Variants in TFB2M observed in about 807,000 individuals in gnomAD.
TFB2M encodes dimethyladenosine transferase 2, mitochondrial.
A neutral mutation model predicts 41.3 loss-of-function variants in TFB2M; 44 were observed. The observed-to-expected ratio is 1.07, with a 90% CI of 0.84 to 1.37. The LOEUF is 1.37. Ranked by LOEUF, TFB2M falls within the 40% of genes most tolerant of loss-of-function variation. TFB2M has a pLI of 0.00. For synonymous variants in TFB2M, 188 were observed against 176.8 expected (o/e 1.06, Z -0.50); for missense variants, 496 against 490.2 (o/e 1.01, Z -0.11).
At position 246,546,763 on chromosome 1, in the gene TFB2M, G is replaced by A. The variant is rs76365751; in HGVS notation, c.858+1782C>T. ...AAGTTATTGACTAAAATTTTTAATC[G>A]GATATTTAAAAAGTAGGTCTCAAAC... On this transcript the variant is annotated intron_variant, in intron 6 of 7. Transcript: ENST00000366514. Among the ~76,000 whole-genome samples the A allele has an allele frequency of 4.2e-3, 640 of 151,410 alleles. 12 individuals carry two copies. The East Asian group carries it at 0.054, about 13-fold the overall frequency.
chr1:246,555,081 A>C (rs909049512), intron 4 of TFB2M, among the ~76,000 whole-genome samples: 7 of 152,242 alleles, frequency 4.6e-5, no homozygotes, highest in African/African-American at 7.2e-5. Flanking sequence ...CAGTACGTAC[A>C]TAAAAATATA....
chr1:246,540,854 G>A lies in TFB2M; in HGVS notation c.*177C>T. 2.0e-6 allele frequency: 1 copy of A among 493,338 alleles called. No individual in the cohort carries two copies. The allele number at this position is 493,338 out of a possible 1,614,324, so 30.6% of individuals were successfully genotyped here. Reference sequence around the variant, plus strand: ...ATTTTATTCAATTGTGAATAAAATAGCAGACACTGTTTCATCCAATAAGCC... The same window carrying A: ...ATTTTATTCAATTGTGAATAAAATAACAGACACTGTTTCATCCAATAAGCC... On this transcript the variant is annotated 3_prime_UTR_variant, in exon 8 of 8. Coordinates refer to ENST00000366514, the MANE Select transcript of TFB2M (RefSeq NM_022366.3).
intron 2 of TFB2M, among the ~76,000 whole-genome samples, chr1:246,558,051 G>C (rs1054455998): frequency 1.3e-4 from 19 of 151,622 alleles, no homozygotes; most frequent in South Asian, 2.1e-4. Flanking sequence ...TTTAACAGAG[G>C]AAGTAAAAAT....
chr1:246,563,983 A>C (rs1659523600), intron 2 of TFB2M, among the ~76,000 whole-genome samples: 1 of 152,232 alleles, frequency 6.6e-6, no homozygotes, highest in African/African-American at 2.4e-5. Flanking sequence ...CAGATCCATT[A>C]ACCTAATATT....
chr1:246,548,436 TA>T, intron 6 of TFB2M, 108 bp downstream of exon 6: 1 of 847,260 alleles, frequency 1.2e-6, no homozygotes, highest in Non-Finnish European at 1.8e-6. Context: ...TGTTTCTAGA[TA>T]TTTTAAAATT....
At chr1:246,556,296 A>G (rs1659319352) in intron 4 of TFB2M, among the ~76,000 whole-genome samples, 1 of 152,218 alleles carries the variant, frequency 6.6e-6, no homozygotes, top group Non-Finnish European at 1.5e-5. Flanking sequence ...GGAAGAGGGA[A>G]ACGAGAGTTT....
At chr1:246,561,889 T>C (rs1290964067) in intron 2 of TFB2M, among the ~76,000 whole-genome samples, 10 of 152,310 alleles carry the variant, frequency 6.6e-5, no homozygotes, top group African/African-American at 1.9e-4. Flanking sequence ...CCTTTAAATA[T>C]AGGCTTTTTT....
At chr1:246,551,086 G>A (rs956947654) in intron 5 of TFB2M, 127 bp downstream of exon 5, 4 of 680,146 alleles carry the variant, frequency 5.9e-6, no homozygotes, top group Non-Finnish European at 1.0e-5. Context: ...AAGGTGAGAG[G>A]ATCACTTGAG....
intron 2 of TFB2M, among the ~76,000 whole-genome samples, chr1:246,562,881 A>C (rs1264704868): frequency 6.6e-6 from 1 of 151,972 alleles, no homozygotes; most frequent in Non-Finnish European, 1.5e-5. Context: ...GATGGTCTCA[A>C]TCTCTTAACC....
intron 1 of TFB2M, 51 bp downstream of exon 1, chr1:246,565,775 C>G (rs772255461): frequency 1.2e-5 from 19 of 1,564,552 alleles, no homozygotes; most frequent in Middle Eastern, 1.7e-4. Flanking sequence ...AGGGTCAATA[C>G]GTTTGAATAA....
intron 6 of TFB2M, among the ~76,000 whole-genome samples, chr1:246,545,021 G>A (rs1021693260): frequency 3.3e-5 from 5 of 151,506 alleles, no homozygotes; most frequent in South Asian, 4.2e-4. Flanking sequence ...TAGCCAGGAT[G>A]GTCTCGATCT....
chr1:246,543,452 A>G (rs1471672466), intron 7 of TFB2M, among the ~76,000 whole-genome samples: 1 of 152,124 alleles, frequency 6.6e-6, no homozygotes, highest in Non-Finnish European at 1.5e-5. Flanking sequence ...ACAGAGATGT[A>G]TGCATCATCC....
chr1:246,560,347 C>A (rs534095541), intron 2 of TFB2M, among the ~76,000 whole-genome samples: 3 of 152,214 alleles, frequency 2.0e-5, no homozygotes, highest in Admixed American at 1.3e-4. Flanking sequence ...CATGACAAAA[C>A]CCTGTCTCTA....
chr1:246,553,647 G>A (rs56263741), intron 4 of TFB2M, among the ~76,000 whole-genome samples: 55,972 of 151,736 alleles, frequency 0.37, 11,115 homozygotes, highest in Non-Finnish European at 0.44. Context: ...CAGCCTGGGC[G>A]ACAGTGAGAC....
In TFB2M at chr1:246,566,106, C is replaced by A. The variant is rs199972874; in HGVS notation, c.33G>T (p.Arg11=). The change falls in exon 1 of 8, where the codon CGG becomes CGT. Residue 11 remains arginine (R), a synonymous_variant. Transcript: ENST00000366514. ...CGCCCGCCAAGGCGGAGAGCCTCAG[C>A]CGCCGAGGAAGCCCGACCACTGGGA... is the stretch of plus-strand genomic sequence containing the variant. MWIPVVGLPR[R]LRLSALAGAG... is the part of the protein sequence containing the mutation. The A allele has an allele frequency of 1.9e-5, 30 of 1,611,128 alleles. No homozygotes were observed. Among genetic ancestry groups the A allele is most frequent in the Non-Finnish European group, 2.4e-5 (28 of 1,177,752 alleles).
chr1:246,557,818 T>C (rs564670366), intron 2 of TFB2M, among the ~76,000 whole-genome samples: 122 of 152,070 alleles, frequency 8.0e-4, no homozygotes, highest in Non-Finnish European at 1.6e-3. Flanking sequence ...TACAGGTGCG[T>C]GCCACCACAC....
chr1:246,552,760 T>TA lies in TFB2M; in HGVS notation c.706-1459dup, dbSNP rs1042101956. 9.0e-4 allele frequency among the ~76,000 whole-genome samples: 136 copies of TA among 150,986 alleles called. 1 individual carries two copies. The highest frequency in any genetic ancestry group is 1.9e-3 in the South Asian group (9 of 4,758). ...AATAATTATAATACCCCTTAAATAT[T>TA]AAAAAAAAATCCTGTTAAAACTAAT... On this transcript the variant is annotated intron_variant, in intron 4 of 7. Coordinates refer to ENST00000366514, the MANE Select transcript of TFB2M (RefSeq NM_022366.3).
chr1:246,551,326 A>C, intron 4 of TFB2M, 24 bp from the exon 5 acceptor site: 1 of 1,488,602 alleles, frequency 6.7e-7, no homozygotes, highest in South Asian at 1.1e-5. Context: ...AATAAAAATT[A>C]CATGTTATAC....
chr1:246,543,663 G>C (rs796968040), intron 7 of TFB2M, among the ~76,000 whole-genome samples: 8 of 152,316 alleles, frequency 5.3e-5, no homozygotes, highest in African/African-American at 1.7e-4. Context: ...GCCAGGTGCA[G>C]TGGCTCATGC....
Sources: allele counts gnomAD v4.1 joint callset (sites outside exome capture counted in the v4.1 genomes callset), GRCh38; gene constraint gnomAD v4.1.1; transcripts MANE v1.5; gene names NCBI Gene and HGNC (gene_info 2026-07-23, HGNC 2026-07-21).